ATXN8OS: variants seen among roughly 807,000 people sequenced by gnomAD.
ATXN8OS encodes ATXN8 opposite strand lncRNA.
chr13:70,151,743 A>G (rs1254527442), intron 4 of ATXN8OS, among the ~76,000 whole-genome samples: 3 of 152,126 alleles, frequency 2.0e-5, no homozygotes, highest in Admixed American at 6.6e-5. Flanking sequence ...TTGTATTTCA[A>G]CAAGAATTTA....
intron 2 of ATXN8OS, among the ~76,000 whole-genome samples, chr13:70,118,479 T>C (rs970182916): frequency 2.0e-5 from 3 of 152,118 alleles, no homozygotes; most frequent in African/African-American, 7.2e-5. Flanking sequence ...AAAAAATTTA[T>C]TCAAATGACA....
At chr13:70,136,299 T>G (rs1001822823) in intron 3 of ATXN8OS, among the ~76,000 whole-genome samples, 22 of 152,286 alleles carry the variant, frequency 1.4e-4, no homozygotes, top group African/African-American at 5.1e-4. Context: ...AGGGATAGCC[T>G]CAGACATTAA....
intron 3 of ATXN8OS, among the ~76,000 whole-genome samples, chr13:70,135,412 GCT>G (rs372937984): frequency 3.1e-4 from 47 of 149,484 alleles, no homozygotes; most frequent in African/African-American, 1.0e-3. Context: ...TTACTTAATG[GCT>G]CTCTCTCTCT....
chr13:70,170,993 G>T (rs371852584), exon 5 of ATXN8OS, among the ~76,000 whole-genome samples: 12 of 152,134 alleles, frequency 7.9e-5, no homozygotes, highest in African/African-American at 2.9e-4. Context: ...TGATATAAAA[G>T]ATAAAAAATG....
At chr13:70,165,908 A>T (rs1889070864) in intron 4 of ATXN8OS, among the ~76,000 whole-genome samples, 1 of 152,088 alleles carries the variant, frequency 6.6e-6, no homozygotes, top group Non-Finnish European at 1.5e-5. Flanking sequence ...CAGTAACAGC[A>T]CAGAAAGTAA....
exon 1 of ATXN8OS, chr13:70,107,788 A>C: frequency 1.9e-6 from 2 of 1,035,788 alleles, no homozygotes; most frequent in Non-Finnish European, 2.7e-6. Context: ...CCGGGGGCGG[A>C]GGAAGAGGCG....
At chr13:70,110,245 TGCCAGA>T (rs1888179631) in intron 1 of ATXN8OS, among the ~76,000 whole-genome samples, 1 of 152,108 alleles carries the variant, frequency 6.6e-6, no homozygotes, top group Non-Finnish European at 1.5e-5. Context: ...TTTAAAGCAC[TGCCAGA>T]GCCAATTATG....
intron 3 of ATXN8OS, among the ~76,000 whole-genome samples, chr13:70,145,361 A>G (rs1157106147): frequency 1.1e-4 from 17 of 151,890 alleles, no homozygotes; most frequent in Admixed American, 1.0e-3. Context: ...TATGAACTTT[A>G]AAGTAGTTTT....
intron 4 of ATXN8OS, among the ~76,000 whole-genome samples, chr13:70,157,452 C>A (rs1366768687): frequency 2.0e-5 from 3 of 151,466 alleles, no homozygotes; most frequent in Admixed American, 6.6e-5. Context: ...CCACAAATTG[C>A]AACTAGATTA....
chr13:70,142,132 C>T (rs1566608875), intron 3 of ATXN8OS, among the ~76,000 whole-genome samples: 1 of 152,158 alleles, frequency 6.6e-6, no homozygotes, highest in Non-Finnish European at 1.5e-5. Context: ...GATCCACCTG[C>T]CTCGGCCTCC....
intron 2 of ATXN8OS, among the ~76,000 whole-genome samples, chr13:70,129,355 A>T (rs1476864057): frequency 6.7e-6 from 1 of 148,264 alleles, no homozygotes; most frequent in Non-Finnish European, 1.5e-5. Context: ...ATTAAAAATA[A>T]TATTAGTGCT....
At chr13:70,154,989 G>C (rs756397806) in intron 4 of ATXN8OS, among the ~76,000 whole-genome samples, 1 of 152,164 alleles carries the variant, frequency 6.6e-6, no homozygotes, top group Non-Finnish European at 1.5e-5. Flanking sequence ...CCCACTGTAA[G>C]CTTGCTTCAA....
chr13:70,126,994 T>C (rs1161901320), intron 2 of ATXN8OS, among the ~76,000 whole-genome samples: 1 of 151,892 alleles, frequency 6.6e-6, no homozygotes, highest in Non-Finnish European at 1.5e-5. Context: ...CTATAATATG[T>C]TTTGGATTTA....
intron 3 of ATXN8OS, chr13:70,131,238 AATT>A: frequency 1.1e-5 from 1 of 90,998 alleles, no homozygotes; most frequent in Non-Finnish European, 1.8e-5. Context: ...ATATTTGTAC[AATT>A]AATTTACTTC....
At chr13:70,127,764 C>T (rs1888461969) in intron 2 of ATXN8OS, among the ~76,000 whole-genome samples, 1 of 151,480 alleles carries the variant, frequency 6.6e-6, no homozygotes, top group East Asian at 1.9e-4. Context: ...TATTAAAAAG[C>T]AATACTGTCT....
chr13:70,159,558 A>G (rs980453797), intron 4 of ATXN8OS, among the ~76,000 whole-genome samples: 6 of 152,118 alleles, frequency 3.9e-5, no homozygotes, highest in Non-Finnish European at 8.8e-5. Flanking sequence ...CCACGTGCAT[A>G]CCATACAATT....
intron 1 of ATXN8OS, among the ~76,000 whole-genome samples, chr13:70,111,714 G>A (rs1202526126): frequency 6.6e-6 from 1 of 152,026 alleles, no homozygotes; most frequent in African/African-American, 2.4e-5. Flanking sequence ...TTCTAAACAA[G>A]CACAATTAAA....
chr13:70,135,367 C>CACAT (rs1270417732), intron 3 of ATXN8OS, among the ~76,000 whole-genome samples: 7 of 152,008 alleles, frequency 4.6e-5, no homozygotes, highest in African/African-American at 1.4e-4. Flanking sequence ...TTTCATTGAC[C>CACAT]ACATGGTTAC....
At chr13:70,141,240 T>C (rs1303080323) in intron 3 of ATXN8OS, among the ~76,000 whole-genome samples, 2 of 152,166 alleles carry the variant, frequency 1.3e-5, no homozygotes, top group Non-Finnish European at 2.9e-5. Context: ...GTCATCGATA[T>C]ATTTTACTGC....
Sources: gnomAD v4.1 joint callset for allele counts (sites outside exome capture counted in the v4.1 genomes callset) on GRCh38, gnomAD v4.1.1 for gene constraint, MANE v1.5 for transcripts, NCBI Gene and HGNC (gene_info 2026-07-23, HGNC 2026-07-21) for gene names.